The following UBQLN1 variants were observed in gnomAD, a reference collection of about 807,000 sequenced individuals.
UBQLN1 encodes ubiquilin-1.
In UBQLN1, 13 loss-of-function variants were observed where a neutral mutation model predicts 65.4. The observed-to-expected ratio is 0.20, with a 90% CI of 0.13 to 0.32. The LOEUF (loss-of-function observed/expected upper bound fraction) is 0.32. Among genes scored for constraint, UBQLN1 ranks in the 10% least tolerant of loss-of-function variants. UBQLN1 has a pLI of 1.00. For synonymous variants in UBQLN1, 267 were observed against 247.8 expected (o/e 1.08, Z -0.73); for missense variants, 561 against 724.0 (o/e 0.77, Z 2.58).
chr9:83,684,967 T>C (rs1241406894), intron 2 of UBQLN1, among the ~76,000 whole-genome samples: 3 of 152,202 alleles, frequency 2.0e-5, no homozygotes, highest in Non-Finnish European at 2.9e-5. Context: ...GTCTTACAAT[T>C]GCTGACAGCC....
chr9:83,670,909 C>T (rs1391103485), intron 6 of UBQLN1, among the ~76,000 whole-genome samples: 1 of 152,184 alleles, frequency 6.6e-6, no homozygotes, highest in African/African-American at 2.4e-5. Context: ...CTCATCTGTA[C>T]AAGTTTTTTC....
At chr9:83,683,197 G>A (rs1468501479) in intron 2 of UBQLN1, 131 bp from the exon 3 acceptor site, 2 of 515,152 alleles carry the variant, frequency 3.9e-6, no homozygotes, top group Non-Finnish European at 7.0e-6. Context: ...CTGATCACGA[G>A]GTCAAGAGAT....
intron 1 of UBQLN1, among the ~76,000 whole-genome samples, chr9:83,688,282 G>A (rs1442946871): frequency 2.6e-5 from 4 of 152,158 alleles, no homozygotes; most frequent in Non-Finnish European, 5.9e-5. Context: ...CACAGAAAAA[G>A]AGGTTACAGA....
chr9:83,679,585 T>A (rs1831905990), intron 4 of UBQLN1, among the ~76,000 whole-genome samples, 190 bp downstream of exon 4: 1 of 152,248 alleles, frequency 6.6e-6, no homozygotes, highest in Non-Finnish European at 1.5e-5. Context: ...TTTACAAAGA[T>A]CCTTCAATTT....
At chr9:83,690,741 G>A in intron 1 of UBQLN1, among the ~76,000 whole-genome samples, 1 of 95,156 alleles carries the variant, frequency 1.1e-5, no homozygotes. Context: ...ACCAGACTCT[G>A]TCTCAAAAAA....
At chr9:83,670,380 T>C (rs572237551) in intron 6 of UBQLN1, among the ~76,000 whole-genome samples, 12 of 152,114 alleles carry the variant, frequency 7.9e-5, no homozygotes, top group Middle Eastern at 3.4e-3. Context: ...AATTTTAACT[T>C]AGTTTTTTTT....
chr9:83,693,298 T>C (rs1016543356), intron 1 of UBQLN1, among the ~76,000 whole-genome samples: 3 of 152,230 alleles, frequency 2.0e-5, no homozygotes, highest in Admixed American at 6.5e-5. Context: ...TCCAGCTAAC[T>C]GAAGGTTACC....
intron 1 of UBQLN1, among the ~76,000 whole-genome samples, chr9:83,700,952 G>C (rs900704619): frequency 6.6e-6 from 1 of 152,176 alleles, no homozygotes; most frequent in Non-Finnish European, 1.5e-5. Flanking sequence ...ATGGCTGGTG[G>C]GAGAGTTATA....
chr9:83,672,961 G>C (rs762600218), intron 6 of UBQLN1, among the ~76,000 whole-genome samples: 5 of 152,256 alleles, frequency 3.3e-5, no homozygotes, highest in Non-Finnish European at 7.3e-5. Context: ...GCCAGGCATG[G>C]TGGTTCACAC....
intron 3 of UBQLN1, among the ~76,000 whole-genome samples, chr9:83,680,625 T>C (rs367779906): frequency 1.5e-4 from 23 of 152,340 alleles, no homozygotes; most frequent in South Asian, 1.2e-3. Context: ...GATGGAACCT[T>C]TGAGCCCAAC....
intron 1 of UBQLN1, among the ~76,000 whole-genome samples, chr9:83,689,992 A>C (rs908474075): frequency 6.6e-6 from 1 of 152,256 alleles, no homozygotes; most frequent in Non-Finnish European, 1.5e-5. Context: ...AGCGTTACAG[A>C]GGATGCAGAG....
intron 1 of UBQLN1, among the ~76,000 whole-genome samples, chr9:83,699,207 T>C (rs2131186254): frequency 6.6e-6 from 1 of 152,352 alleles, no homozygotes; most frequent in South Asian, 2.1e-4. Flanking sequence ...ATGTACTTAA[T>C]GTCACTGAAG....
At chr9:83,674,971 T>C (rs977766363) in intron 6 of UBQLN1, among the ~76,000 whole-genome samples, 4 of 152,174 alleles carry the variant, frequency 2.6e-5, no homozygotes, top group African/African-American at 4.8e-5. Context: ...TCAAAGCATA[T>C]AAAAATGTAA....
chr9:83,684,810 CAAAA>C (rs199680794), intron 2 of UBQLN1, among the ~76,000 whole-genome samples: 1 of 64,194 alleles, frequency 1.6e-5, no homozygotes. Flanking sequence ...AATTCCGTCT[CAAAA>C]AAAAAAAAAA....
At chr9:83,667,480 C>T (rs944943403) in intron 7 of UBQLN1, 9 of 984,832 alleles carry the variant, frequency 9.1e-6, no homozygotes, top group Non-Finnish European at 9.6e-6. Context: ...AATTTCAATA[C>T]AATAACAAAA....
At chr9:83,688,152 G>C (rs1303968215) in intron 1 of UBQLN1, among the ~76,000 whole-genome samples, 1 of 152,172 alleles carries the variant, frequency 6.6e-6, no homozygotes, top group Non-Finnish European at 1.5e-5. Flanking sequence ...AAACGAGAAT[G>C]TATATAAATG....
At position 83,707,932 on chromosome 9, in the gene UBQLN1, C is replaced by G. The variant is rs1185792140; in HGVS notation, c.-253G>C. The G allele has an allele frequency of 5.9e-6, 3 of 509,522 alleles. No individual in the cohort carries two copies. The African/African-American group carries it at 6.1e-5, about 10-fold the overall frequency. 31.6% of individuals were successfully genotyped at this position (509,522 alleles called of 1,614,324 possible). ...GGCGCCGCTCGCTCACACCGACATC[C>G]GCAGCAGCCACCGCTTCCTCCTCCC... On this transcript the variant is annotated 5_prime_UTR_variant, in exon 1 of 11. Coordinates refer to ENST00000376395, the MANE Select transcript of UBQLN1 (RefSeq NM_013438.5).
chr9:83,694,499 GC>G (rs1832177216), intron 1 of UBQLN1, among the ~76,000 whole-genome samples: 1 of 152,186 alleles, frequency 6.6e-6, no homozygotes, highest in South Asian at 2.1e-4. Context: ...ATACAAGGAT[GC>G]CAAGTATGAG....
intron 2 of UBQLN1, among the ~76,000 whole-genome samples, chr9:83,684,203 A>AT (rs1354065595): frequency 6.6e-6 from 1 of 151,662 alleles, no homozygotes; most frequent in Non-Finnish European, 1.5e-5. Context: ...TTATTTATTT[A>AT]TTTTTTTAAA....
Sources: allele counts gnomAD v4.1 joint callset (sites outside exome capture counted in the v4.1 genomes callset), GRCh38; gene constraint gnomAD v4.1.1; transcripts MANE v1.5; gene names NCBI Gene and HGNC (gene_info 2026-07-23, HGNC 2026-07-21).